Variants in NELL1 observed in about 807,000 individuals in gnomAD.
The protein encoded by NELL1 is neural EGFL like 1.
A neutral mutation model predicts 107.4 loss-of-function variants in NELL1; 76 were observed. That is an observed-to-expected ratio of 0.71 (90% CI 0.59 to 0.86). The LOEUF (loss-of-function observed/expected upper bound fraction) is 0.86. Ranked by LOEUF, NELL1 falls within the 40% of genes least tolerant of loss-of-function variation. The probability of loss-of-function intolerance (pLI) is 0.00; values close to 1 mark genes in which losing one functional copy is unlikely to be tolerated. For synonymous variants in NELL1, 353 were observed against 341.2 expected, an observed-to-expected ratio of 1.03 and a Z score of -0.38; for missense variants, 1,024 against 1,005.5, an observed-to-expected ratio of 1.02 and a Z score of -0.25.
chr11:21,183,995 A>G (rs1167994971), intron 13 of NELL1, among the ~76,000 whole-genome samples: 1 of 151,798 alleles, frequency 6.6e-6, no homozygotes, highest in Non-Finnish European at 1.5e-5. Context: ...ATGTTGGCCC[A>G]TAGTATGTTT....
chr11:21,516,241 G>A (rs1855558732), intron 15 of NELL1, among the ~76,000 whole-genome samples: 1 of 152,100 alleles, frequency 6.6e-6, no homozygotes, highest in African/African-American at 2.4e-5. Context: ...ACTTATCAGG[G>A]TTGCTATGGT....
chr11:20,897,494 G>A (rs1384202553), intron 5 of NELL1, among the ~76,000 whole-genome samples: 1 of 152,156 alleles, frequency 6.6e-6, no homozygotes, highest in East Asian at 1.9e-4. Flanking sequence ...ATTCAGGAAG[G>A]ACATAGGCAT....
chr11:20,988,375 A>G (rs1470308711), intron 12 of NELL1, among the ~76,000 whole-genome samples: 3 of 151,542 alleles, frequency 2.0e-5, no homozygotes, highest in African/African-American at 7.3e-5. Flanking sequence ...ATACACACGT[A>G]CATATATATG....
chr11:20,870,059 G>A (rs1849167854), intron 4 of NELL1, among the ~76,000 whole-genome samples: 1 of 152,154 alleles, frequency 6.6e-6, no homozygotes, highest in African/African-American at 2.4e-5. Context: ...ACTTATGCCT[G>A]TTTATGTTTG....
At chr11:21,234,117 T>C (rs1858137590) in intron 14 of NELL1, among the ~76,000 whole-genome samples, 1 of 152,182 alleles carries the variant, frequency 6.6e-6, no homozygotes, top group Admixed American at 6.5e-5. Flanking sequence ...AGCATATGCA[T>C]TAGTTAGGAT....
intron 5 of NELL1, among the ~76,000 whole-genome samples, chr11:20,911,461 G>C (rs1054453297): frequency 4.6e-5 from 7 of 152,166 alleles, no homozygotes; most frequent in African/African-American, 1.7e-4. Context: ...TTAGACCCAG[G>C]TCTTTATGAT....
In NELL1 at chr11:21,370,895, C is replaced by T; in HGVS notation, c.1592C>T (p.Ala531Val). Residue 531 changes from alanine (A) to valine (V), a missense_variant, in exon 15 of 20, where the codon GCT becomes GTT. Transcript: ENST00000357134. ...TGCAGATACGGTGGAACGTGTGTGG[C>T]TCCCAACAAATGTGTCTGTCCATCT... ...EGCRYGGTCV[A>V]PNKCVCPSGF... 1 of 1,611,754 alleles carries T rather than the reference C, an allele frequency of 6.2e-7. No individual in the cohort carries two copies. The highest frequency in any genetic ancestry group is 8.5e-7 in the Non-Finnish European group (1 of 1,178,834).
At chr11:20,981,083 A>G (rs1851739797) in intron 12 of NELL1, among the ~76,000 whole-genome samples, 2 of 152,208 alleles carry the variant, frequency 1.3e-5, no homozygotes, top group Admixed American at 1.3e-4. Context: ...GTTTTAAACT[A>G]CTGAAATGTT....
intron 12 of NELL1, among the ~76,000 whole-genome samples, chr11:21,005,101 A>C (rs1373889890): frequency 6.6e-6 from 1 of 152,160 alleles, no homozygotes; most frequent in African/African-American, 2.4e-5. Context: ...GCTCATATTC[A>C]GAATAATAAC....
intron 12 of NELL1, among the ~76,000 whole-genome samples, chr11:20,993,035 A>G (rs1257572818): frequency 6.6e-6 from 1 of 152,126 alleles, no homozygotes; most frequent in Non-Finnish European, 1.5e-5. Context: ...GTTTGTGGCA[A>G]TCATTGCCTT....
At chr11:20,925,672 T>C (rs2134169633) in intron 7 of NELL1, among the ~76,000 whole-genome samples, 1 of 152,282 alleles carries the variant, frequency 6.6e-6, no homozygotes, top group South Asian at 2.1e-4. Context: ...TCAGGCAGCG[T>C]CAACTCTTAG....
At chr11:21,337,985 G>A (rs908174247) in intron 14 of NELL1, among the ~76,000 whole-genome samples, 2 of 151,480 alleles carry the variant, frequency 1.3e-5, no homozygotes, top group African/African-American at 4.9e-5. Context: ...GACCCTAAGG[G>A]TGAATGCATC....
intron 2 of NELL1, among the ~76,000 whole-genome samples, chr11:20,717,683 C>T (rs886814042): frequency 3.3e-5 from 5 of 152,070 alleles, no homozygotes; most frequent in Non-Finnish European, 7.4e-5. Flanking sequence ...GACTGTCTTA[C>T]CTTTGAGGGT....
chr11:21,339,936 G>A (rs1202135764), intron 14 of NELL1, among the ~76,000 whole-genome samples: 2 of 152,106 alleles, frequency 1.3e-5, no homozygotes, highest in Non-Finnish European at 2.9e-5. Flanking sequence ...TGCTCCGTGA[G>A]GCAAACTTTA....
chr11:20,760,700 A>G (rs1856400304), intron 2 of NELL1, among the ~76,000 whole-genome samples: 1 of 152,218 alleles, frequency 6.6e-6, no homozygotes, highest in South Asian at 2.1e-4. Context: ...ATTCTTTGAA[A>G]TAAAAATAAG....
intron 13 of NELL1, among the ~76,000 whole-genome samples, chr11:21,177,504 T>A (rs1024851395): frequency 1.3e-5 from 2 of 151,814 alleles, no homozygotes; most frequent in African/African-American, 4.9e-5. Flanking sequence ...CTTTATCTAG[T>A]CGTCTGTTGA....
At chr11:21,082,586 A>G (rs768237372) in intron 12 of NELL1, among the ~76,000 whole-genome samples, 5 of 152,110 alleles carry the variant, frequency 3.3e-5, no homozygotes, top group Non-Finnish European at 5.9e-5. Context: ...CGTGGTTTAA[A>G]CTTCAAAGTC....
At chr11:21,283,321 A>C (rs189620227) in intron 14 of NELL1, among the ~76,000 whole-genome samples, 1 of 150,488 alleles carries the variant, frequency 6.6e-6, no homozygotes, top group African/African-American at 2.5e-5. Context: ...CAAAAATTAA[A>C]AATAAATATT....
intron 1 of NELL1, among the ~76,000 whole-genome samples, chr11:20,676,356 A>T (rs1233099878): frequency 6.6e-6 from 1 of 151,624 alleles, no homozygotes; most frequent in Non-Finnish European, 1.5e-5. Flanking sequence ...GCCCTCCCCC[A>T]ACCTAACCCA....
Sources: gnomAD v4.1 joint callset for allele counts (sites outside exome capture counted in the v4.1 genomes callset) on GRCh38, gnomAD v4.1.1 for gene constraint, MANE v1.5 for transcripts, NCBI Gene and HGNC (gene_info 2026-07-23, HGNC 2026-07-21) for gene names.